The following CPEB1 variants were observed in gnomAD, a reference collection of about 807,000 sequenced individuals.
CPEB1 encodes the protein cytoplasmic polyadenylation element binding protein 1.
Under a neutral mutation model 65.8 loss-of-function variants are expected in CPEB1, and 7 were observed. That is an observed-to-expected ratio of 0.11 (90% CI 0.06 to 0.20). The LOEUF is 0.20. CPEB1 is among the 10% of genes least tolerant of loss of function. The pLI, the probability that CPEB1 is intolerant of heterozygous loss-of-function variation, is 1.00. For synonymous variants in CPEB1, 262 were observed against 260.0 expected, an observed-to-expected ratio of 1.01 and a Z score of -0.08; for missense variants, 551 against 712.2, an observed-to-expected ratio of 0.77 and a Z score of 2.58.
At chr15:82,620,932 T>C (rs903709648) in intron 3 of CPEB1, among the ~76,000 whole-genome samples, 5 of 152,228 alleles carry the variant, frequency 3.3e-5, no homozygotes, top group Admixed American at 1.3e-4. Flanking sequence ...GTTCAGTATA[T>C]AAAAATTCAG....
At chr15:82,551,293 G>T (rs2036201748) in intron 9 of CPEB1, among the ~76,000 whole-genome samples, 1 of 152,144 alleles carries the variant, frequency 6.6e-6, no homozygotes. Flanking sequence ...AAGGTTTACA[G>T]TAAATCTGAG....
At chr15:82,578,916 T>C (rs2151088536) in intron 3 of CPEB1, among the ~76,000 whole-genome samples, 1 of 152,308 alleles carries the variant, frequency 6.6e-6, no homozygotes, top group East Asian at 1.9e-4. Context: ...CTCCACGTCC[T>C]AGGCTCAGAA....
At chr15:82,598,610 C>G (rs2042857017) in intron 3 of CPEB1, among the ~76,000 whole-genome samples, 1 of 151,970 alleles carries the variant, frequency 6.6e-6, no homozygotes, top group South Asian at 2.1e-4. Flanking sequence ...CATGGTGAAA[C>G]CCTGTCTCTA....
intron 3 of CPEB1, among the ~76,000 whole-genome samples, chr15:82,623,005 G>T (rs111729366): frequency 1.4e-4 from 22 of 152,304 alleles, no homozygotes; most frequent in African/African-American, 5.3e-4. Context: ...GCCCTGGCGG[G>T]AGGTATCTGG....
intron 3 of CPEB1, among the ~76,000 whole-genome samples, chr15:82,574,850 G>C (rs369106901): frequency 5.3e-5 from 8 of 151,932 alleles, no homozygotes; most frequent in African/African-American, 1.9e-4. Context: ...TGGGGTTATG[G>C]TCTGATAAAC....
chr15:82,569,631 T>G (rs1170567704), intron 4 of CPEB1, among the ~76,000 whole-genome samples: 1 of 152,236 alleles, frequency 6.6e-6, no homozygotes, highest in Non-Finnish European at 1.5e-5. Flanking sequence ...TAGCTCAATT[T>G]CATAGTAACT....
At chr15:82,599,383 A>C (rs1270017429) in intron 3 of CPEB1, among the ~76,000 whole-genome samples, 1 of 152,182 alleles carries the variant, frequency 6.6e-6, no homozygotes, top group Non-Finnish European at 1.5e-5. Flanking sequence ...AAACTATTTG[A>C]GTTCCACCTC....
intron 1 of CPEB1, among the ~76,000 whole-genome samples, chr15:82,645,309 T>C (rs940712117): frequency 3.3e-5 from 5 of 152,036 alleles, no homozygotes; most frequent in African/African-American, 9.7e-5. Context: ...CCCACCACCA[T>C]GCCCGGCTAA....
intron 3 of CPEB1, among the ~76,000 whole-genome samples, chr15:82,605,334 TAG>T (rs901349284): frequency 3.9e-5 from 6 of 151,990 alleles, no homozygotes; most frequent in African/African-American, 1.2e-4. Flanking sequence ...GTAAATATAA[TAG>T]AGAGTATATT....
At chr15:82,615,650 T>A (rs950594544) in intron 3 of CPEB1, among the ~76,000 whole-genome samples, 2 of 152,220 alleles carry the variant, frequency 1.3e-5, no homozygotes, top group Admixed American at 1.3e-4. Context: ...GAAAACAAAA[T>A]CAAGTTGGAT....
intron 3 of CPEB1, among the ~76,000 whole-genome samples, chr15:82,625,340 C>T (rs568240398): frequency 4.6e-5 from 7 of 151,982 alleles, no homozygotes; most frequent in Non-Finnish European, 7.4e-5. Context: ...CCTTCCTGTA[C>T]GACAGAAGCA....
intron 3 of CPEB1, among the ~76,000 whole-genome samples, chr15:82,585,542 T>C (rs564699825): frequency 1.3e-5 from 2 of 152,262 alleles, no homozygotes; most frequent in African/African-American, 4.8e-5. Flanking sequence ...AACAACCCCA[T>C]GGAGAAGACA....
chr15:82,598,210 T>C (rs1009800430), intron 3 of CPEB1, among the ~76,000 whole-genome samples: 2 of 152,262 alleles, frequency 1.3e-5, no homozygotes, highest in Admixed American at 6.5e-5. Flanking sequence ...GTGCGGTGGC[T>C]CACGCCTGTA....
chr15:82,573,183 G>A (rs1213383580), intron 3 of CPEB1: 5 of 1,530,964 alleles, frequency 3.3e-6, no homozygotes, highest in Non-Finnish European at 3.5e-6. Context: ...GTGTCCACAG[G>A]CACTCAGGCA....
chr15:82,612,957 C>T (rs2044324605), intron 3 of CPEB1, among the ~76,000 whole-genome samples: 4 of 152,018 alleles, frequency 2.6e-5, no homozygotes, highest in Admixed American at 2.6e-4. Context: ...GCCCAAGTGG[C>T]TTCAGCAATG....
At chr15:82,571,914 GACAGC>G (rs1416353496) in intron 3 of CPEB1, 4 of 966,660 alleles carry the variant, frequency 4.1e-6, no homozygotes, top group Non-Finnish European at 5.0e-6. Flanking sequence ...CCCAGGGAAA[GACAGC>G]ACAACAGCTA....
chr15:82,612,046 T>TA (rs61260873), intron 3 of CPEB1, among the ~76,000 whole-genome samples: 12,172 of 148,832 alleles, frequency 0.082, 719 homozygotes, highest in African/African-American at 0.16. Flanking sequence ...CTGTCTCCAC[T>TA]AAAAAAAAAT....
At chr15:82,615,941 C>T (rs980484620) in intron 3 of CPEB1, among the ~76,000 whole-genome samples, 1 of 151,898 alleles carries the variant, frequency 6.6e-6, no homozygotes, top group Non-Finnish European at 1.5e-5. Flanking sequence ...TACCTAAATA[C>T]AGCAAAAAAT....
chr15:82,561,236 C>T (rs919827318), intron 4 of CPEB1, among the ~76,000 whole-genome samples: 15 of 152,086 alleles, frequency 9.9e-5, no homozygotes, highest in Admixed American at 7.9e-4. Flanking sequence ...CTAAAAAGAC[C>T]GATGGTGATA....
Sources: gnomAD v4.1 joint callset for allele counts (sites outside exome capture counted in the v4.1 genomes callset) on GRCh38, gnomAD v4.1.1 for gene constraint, MANE v1.5 for transcripts, NCBI Gene and HGNC (gene_info 2026-07-23, HGNC 2026-07-21) for gene names.